TIAM2: variants seen among roughly 807,000 people sequenced by gnomAD.
TIAM2 encodes the protein TIAM Rac1 associated GEF 2.
Under a neutral mutation model 152.9 loss-of-function variants are expected in TIAM2, and 80 were observed. The observed-to-expected ratio is 0.52, with a 90% CI of 0.44 to 0.63. TIAM2 has a LOEUF of 0.63. TIAM2 is among the 30% of genes least tolerant of loss of function. The pLI is 0.00. For synonymous variants in TIAM2, 804 were observed against 838.0 expected (o/e 0.96, Z 0.70); for missense variants, 1,965 against 2,120.1 (o/e 0.93, Z 1.44).
intron 15 of TIAM2, among the ~76,000 whole-genome samples, chr6:155,234,369 C>A (rs1248844895): frequency 6.6e-6 from 1 of 152,198 alleles, no homozygotes; most frequent in African/African-American, 2.4e-5. Context: ...CTCACTGTAA[C>A]CTTGAACTCC....
At chr6:155,037,318 A>AG (rs1776941290) in intron 1 of TIAM2, among the ~76,000 whole-genome samples, 1 of 152,108 alleles carries the variant, frequency 6.6e-6, no homozygotes, top group Admixed American at 6.6e-5. Context: ...TCCTAAGTAA[A>AG]CTCTGAAGGT....
chr6:155,110,318 C>CTTTCTTTT (rs1554231077), intron 2 of TIAM2, among the ~76,000 whole-genome samples: 12 of 133,810 alleles, frequency 9.0e-5, no homozygotes, highest in South Asian at 4.6e-4. Context: ...TCTTTCTTTT[C>CTTTCTTTT]TTTTTTTTTT....
intron 15 of TIAM2, among the ~76,000 whole-genome samples, chr6:155,215,727 AT>A (rs10535890): frequency 0.26 from 36,429 of 139,974 alleles, 4,884 homozygotes; most frequent in Middle Eastern, 0.43. Context: ...AAAATTTTAA[AT>A]TTTTTTTTTT....
intron 1 of TIAM2, among the ~76,000 whole-genome samples, chr6:155,063,852 T>G (rs1029617947): frequency 6.7e-6 from 1 of 150,038 alleles, no homozygotes; most frequent in Non-Finnish European, 1.5e-5. Flanking sequence ...ATATTATAAC[T>G]GAATTAAAAA....
chr6:155,238,189 G>A (rs111646799), intron 15 of TIAM2, among the ~76,000 whole-genome samples: 1,941 of 152,294 alleles, frequency 0.013, 31 homozygotes, highest in Non-Finnish European at 0.016. Flanking sequence ...GCAAAATGCC[G>A]CCAAGCTGTT....
At chr6:155,085,764 C>T (rs919617839) in intron 1 of TIAM2, among the ~76,000 whole-genome samples, 9 of 152,148 alleles carry the variant, frequency 5.9e-5, no homozygotes, top group East Asian at 5.8e-4. Flanking sequence ...TCCAAGGCTG[C>T]GGGACTGGCT....
In TIAM2 at chr6:155,218,950, C is replaced by T. The variant is rs1054706514; in HGVS notation, c.3168+7643C>T. Among the ~76,000 whole-genome samples, 4 of 144,636 alleles carry T rather than the reference C, an allele frequency of 2.8e-5. No homozygotes were observed. Among genetic ancestry groups the T allele is most frequent in the Non-Finnish European group, 6.0e-5 (4 of 66,208 alleles). 94.9% of individuals were successfully genotyped at this position (144,636 alleles called of 152,430 possible). The stretch of plus-strand genomic sequence containing the variant: ...TTCTTGACCATCTCAGCCGCCCACC[C>T]GTGTTCTTGACCATCTCAGCCGCCC... On this transcript the variant is annotated intron_variant, in intron 15 of 26. Transcript: ENST00000682666. The surrounding 1 kb of genome is among the most constrained non-coding windows in gnomAD (Gnocchi z 4.5).
Position 155,031,530 on chromosome 6 carries a change from C to T in TIAM2, c.-209+36038C>T, listed in dbSNP as rs1174911495. ...TTGAACCCAGGAGTTTGAGAGCAGC[C>T]TGGGTAACATGGCTAAACCCCATCT... On this transcript the variant is annotated intron_variant, in intron 1 of 26. Coordinates refer to ENST00000682666, the MANE Select transcript of TIAM2 (RefSeq NM_012454.4). Among the ~76,000 whole-genome samples, 3 of 152,082 alleles carry T rather than the reference C, an allele frequency of 2.0e-5. No homozygotes were observed. The East Asian group carries it at 5.8e-4, about 29-fold the overall frequency.
chr6:155,054,184 C>CA (rs1382580329), intron 1 of TIAM2, among the ~76,000 whole-genome samples: 4 of 152,028 alleles, frequency 2.6e-5, no homozygotes, highest in Non-Finnish European at 5.9e-5. Flanking sequence ...ACAAACAAAA[C>CA]AAAACAAAAC....
chr6:155,202,845 C>G (rs1781504613), intron 14 of TIAM2, among the ~76,000 whole-genome samples: 1 of 147,800 alleles, frequency 6.8e-6, no homozygotes, highest in Non-Finnish European at 1.5e-5. Flanking sequence ...TGAGACCATC[C>G]TGGCCAACAT....
chr6:155,220,941 G>A (rs77412666), intron 15 of TIAM2, among the ~76,000 whole-genome samples: 3 of 151,716 alleles, frequency 2.0e-5, no homozygotes. Flanking sequence ...TACAGGCCCC[G>A]GTGTGTGATG....
At chr6:155,216,926 T>C in intron 15 of TIAM2, 1 of 1,199,572 alleles carries the variant, frequency 8.3e-7, no homozygotes, top group Non-Finnish European at 1.1e-6. Flanking sequence ...TAGGACGTCC[T>C]TGTGAATGTG....
At position 155,094,776 on chromosome 6, in the gene TIAM2, T is replaced by G. The variant is rs550906325; in HGVS notation, c.-118+4397T>G. Among the ~76,000 whole-genome samples the G allele has an allele frequency of 1.4e-3, 208 of 150,748 alleles. 1 individual carries two copies. Among genetic ancestry groups the G allele is most frequent in the African/African-American group, 4.5e-3 (185 of 41,010 alleles). On this transcript the variant is annotated intron_variant, in intron 2 of 26. Transcript: ENST00000682666. ...TTTGTTTTTTTTTGTAGAGATGAGG[T>G]TTCACTATGTTGCCCAGGCTGGTCT... is the stretch of plus-strand genomic sequence containing the variant.
At chr6:155,043,600 C>T (rs778337050) in intron 1 of TIAM2, among the ~76,000 whole-genome samples, 9 of 145,332 alleles carry the variant, frequency 6.2e-5, no homozygotes, top group Non-Finnish European at 1.0e-4. Flanking sequence ...TGCCACTGCA[C>T]TCCAGCCTGG....
In TIAM2 at chr6:155,029,448, G is replaced by GTATATATAATATATAC. The variant is rs1776755693; in HGVS notation, c.-209+33963_-209+33964insAATATATACTATATAT. Among the ~76,000 whole-genome samples the GTATATATAATATATAC allele has an allele frequency of 8.9e-3, 260 of 29,052 alleles. 22 individuals carry two copies. Among genetic ancestry groups the GTATATATAATATATAC allele is most frequent in the Non-Finnish European group, 0.01 (185 of 18,016 alleles). 19.1% of individuals were successfully genotyped at this position (29,052 alleles called of 152,430 possible). A position where few individuals can be genotyped will look rare whatever the true frequency, so the allele number is the denominator to read the frequency against. On this transcript the variant is annotated intron_variant, in intron 1 of 26. Coordinates refer to ENST00000682666, the MANE Select transcript of TIAM2 (RefSeq NM_012454.4). ...ATACTATAGTATATATTATACTATA[G>GTATATATAATATATAC]TATATATTATATATAATATATACTA... is the stretch of plus-strand genomic sequence containing the variant.
At chr6:155,182,657 A>ATGTG (rs545541778) in intron 13 of TIAM2, among the ~76,000 whole-genome samples, 3 of 151,738 alleles carry the variant, frequency 2.0e-5, no homozygotes, top group South Asian at 2.1e-4. Context: ...TAGAGAGAGC[A>ATGTG]TGTGTGTGTG....
intron 1 of TIAM2, among the ~76,000 whole-genome samples, chr6:155,069,164 G>C (rs1056242251): frequency 1.3e-5 from 2 of 151,986 alleles, no homozygotes; most frequent in African/African-American, 4.8e-5. Context: ...ACGCAGTCTC[G>C]ACTCACTACA....
chr6:155,153,083 A>G (rs1266309029), intron 7 of TIAM2, among the ~76,000 whole-genome samples: 1 of 152,166 alleles, frequency 6.6e-6, no homozygotes, highest in African/African-American at 2.4e-5. Context: ...GTGGTCCATT[A>G]TCCATTCTTT....
chr6:155,111,939 C>G (rs1351537235), intron 2 of TIAM2, among the ~76,000 whole-genome samples: 3 of 152,160 alleles, frequency 2.0e-5, no homozygotes, highest in Non-Finnish European at 2.9e-5. Flanking sequence ...TCCAGTCGGT[C>G]TTTCTCCACC....
Sources: gnomAD v4.1 joint callset for allele counts (sites outside exome capture counted in the v4.1 genomes callset) on GRCh38, gnomAD v4.1.1 for gene constraint, Gnocchi (gnomAD v3.1) non-coding constraint, MANE v1.5 for transcripts, NCBI Gene and HGNC (gene_info 2026-07-23, HGNC 2026-07-21) for gene names.